FUT9: variants seen among roughly 807,000 people sequenced by gnomAD.
The protein encoded by FUT9 is fucosyltransferase 9.
In FUT9, 15 loss-of-function variants were observed where a neutral mutation model predicts 29.7. The ratio of observed to expected loss-of-function variants is 0.51; its 90% CI spans 0.34 to 0.78. The LOEUF is 0.78. Among genes scored for constraint, FUT9 ranks in the 30% least tolerant of loss-of-function variants. The pLI, the probability that FUT9 is intolerant of heterozygous loss-of-function variation, is 0.01. For missense variants in FUT9, 319 were observed against 425.4 expected, an observed-to-expected ratio of 0.75 and a Z score of 2.20; for synonymous variants, 169 against 153.7, an observed-to-expected ratio of 1.10 and a Z score of -0.74.
rs137921156 is a variant in FUT9, at chr6:96,152,535, T to A, written c.-9+38408T>A. On this transcript the variant is annotated intron_variant, in intron 2 of 2. Transcript: ENST00000302103. ...AACTGCTCAATAAATATTTTTTGAA[T>A]AAATGAATCATTGGAGTGGGGCTTG... Among the ~76,000 whole-genome samples the A allele has an allele frequency of 1.7e-3, 265 of 152,344 alleles. 2 individuals are homozygous for A. Among genetic ancestry groups the A allele is most frequent in the African/African-American group, 6.1e-3 (254 of 41,588 alleles).
intron 1 of FUT9, among the ~76,000 whole-genome samples, chr6:96,080,297 A>G (rs1771213532): frequency 1.3e-5 from 2 of 152,130 alleles, no homozygotes; most frequent in South Asian, 4.1e-4. Flanking sequence ...GTGTAGCTAT[A>G]AATAACTTCT....
At chr6:96,126,727 A>G (rs978444804) in intron 2 of FUT9, among the ~76,000 whole-genome samples, 2 of 152,318 alleles carry the variant, frequency 1.3e-5, no homozygotes, top group Admixed American at 1.3e-4. Flanking sequence ...AATTCATGTT[A>G]TTTACTATTA....
intron 1 of FUT9, among the ~76,000 whole-genome samples, chr6:96,085,444 C>T (rs776673278): frequency 4.6e-5 from 7 of 152,298 alleles, no homozygotes; most frequent in East Asian, 1.9e-4. Context: ...TATTCCCAAG[C>T]GTAGAGCACT....
intron 1 of FUT9, among the ~76,000 whole-genome samples, chr6:96,068,198 C>G (rs1031654504): frequency 2.0e-5 from 3 of 152,010 alleles, no homozygotes; most frequent in Admixed American, 1.3e-4. Flanking sequence ...TGGAAATCAA[C>G]CATGTACAGG....
chr6:96,033,717 T>C (rs979605940), intron 1 of FUT9, among the ~76,000 whole-genome samples: 4 of 151,714 alleles, frequency 2.6e-5, no homozygotes, highest in Non-Finnish European at 4.4e-5. Flanking sequence ...TCTTCTTTCA[T>C]AAATTTGTCT....
chr6:96,046,037 A>G (rs1164355234), intron 1 of FUT9, among the ~76,000 whole-genome samples: 4 of 152,162 alleles, frequency 2.6e-5, no homozygotes, highest in Non-Finnish European at 5.9e-5. Context: ...TGAGCAGCTC[A>G]CATTCTTTCT....
At chr6:96,037,359 T>A (rs1456600928) in intron 1 of FUT9, 1 of 152,076 alleles carries the variant, frequency 6.6e-6, no homozygotes, top group Non-Finnish European at 1.5e-5. Context: ...GCTTTGATTG[T>A]ACTAGACTGT....
chr6:96,059,008 T>C (rs529753261), intron 1 of FUT9, among the ~76,000 whole-genome samples: 15 of 152,322 alleles, frequency 9.8e-5, no homozygotes, highest in African/African-American at 3.4e-4. Context: ...AATGTTACAA[T>C]AGATTTTAGC....
intron 2 of FUT9, among the ~76,000 whole-genome samples, chr6:96,176,004 A>ACT (rs1333599085): frequency 6.6e-6 from 1 of 151,568 alleles, no homozygotes. Context: ...AGAAGAATTC[A>ACT]CTCTCTCTCT....
In FUT9 at chr6:96,203,563, G is replaced by A. The variant is rs1284348590; in HGVS notation, c.408G>A (p.Leu136=). ...TCCAGAAATGGATTTGGATGAATTT[G>A]GAATCACCAACTCACACTCCCCAAA... ...PPFQKWIWMN[L]ESPTHTPQKS... is the part of the protein sequence containing the mutation. Residue 136 remains leucine, a synonymous_variant, in exon 3 of 3, where the codon TTG becomes TTA. Transcript: ENST00000302103. 5.0e-6 allele frequency: 8 copies of A among 1,613,532 alleles called. No homozygotes were observed.
chr6:96,092,960 G>A (rs973353041), intron 1 of FUT9, among the ~76,000 whole-genome samples: 3 of 152,030 alleles, frequency 2.0e-5, no homozygotes, highest in African/African-American at 2.4e-5. Flanking sequence ...TAGAGACAGA[G>A]TCTTGCTATG....
At chr6:96,025,738 C>T (rs1770156305) in intron 1 of FUT9, among the ~76,000 whole-genome samples, 6 of 151,628 alleles carry the variant, frequency 4.0e-5, no homozygotes, top group Admixed American at 3.9e-4. Flanking sequence ...AAAGCCATGA[C>T]TTTGTCAGCA....
intron 1 of FUT9, among the ~76,000 whole-genome samples, chr6:96,016,436 T>G (rs1450540891): frequency 2.6e-5 from 4 of 152,126 alleles, no homozygotes; most frequent in Admixed American, 2.6e-4. Context: ...TGCCTGCAGC[T>G]CGCAGTCCCG....
At chr6:96,110,837 A>ATTTATTTATTTATTTATTTT (rs1562128554) in intron 1 of FUT9, among the ~76,000 whole-genome samples, 1 of 151,378 alleles carries the variant, frequency 6.6e-6, no homozygotes, top group Non-Finnish European at 1.5e-5. Flanking sequence ...TTATTTATTT[A>ATTTATTTATTTATTTATTTT]TTTTTTGTAG....
At chr6:96,145,699 A>C (rs988678997) in intron 2 of FUT9, among the ~76,000 whole-genome samples, 4 of 152,204 alleles carry the variant, frequency 2.6e-5, no homozygotes, top group Non-Finnish European at 5.9e-5. Context: ...GCCTCCAGAC[A>C]GATGTGCAAA....
intron 1 of FUT9, among the ~76,000 whole-genome samples, chr6:96,081,753 T>C (rs1300981904): frequency 1.1e-4 from 16 of 151,902 alleles, no homozygotes; most frequent in Admixed American, 1.0e-3. Flanking sequence ...TGCCAAACTA[T>C]TAAGTGTTTG....
At position 96,208,339 on chromosome 6, in the gene FUT9, A is replaced by C. The variant is rs187497977; in HGVS notation, c.*4104A>C. On this transcript the variant is annotated 3_prime_UTR_variant, in exon 3 of 3. Transcript: ENST00000302103. ...CCTTACCTTATGACTGTGTTTGATC[A>C]TATCTTTGAGTTCCCTTGAACTCTG... The C allele has an allele frequency of 1.0e-3, 175 of 166,710 alleles. 7 individuals are homozygous for C. In the East Asian group the frequency reaches 0.033, roughly 31 times the overall value. 10.3% of individuals were successfully genotyped at this position (166,710 alleles called of 1,614,324 possible).
At chr6:96,165,353 C>A (rs1352609600) in intron 2 of FUT9, among the ~76,000 whole-genome samples, 1 of 151,612 alleles carries the variant, frequency 6.6e-6, no homozygotes, top group African/African-American at 2.4e-5. Context: ...ATTGCTTGAA[C>A]CAGGGAGGTG....
At chr6:96,185,754 T>C (rs541236237) in intron 2 of FUT9, among the ~76,000 whole-genome samples, 1 of 152,262 alleles carries the variant, frequency 6.6e-6, no homozygotes, top group South Asian at 2.1e-4. Flanking sequence ...TCTCTTCTAG[T>C]GGCCTCCATT....
Sources: allele counts gnomAD v4.1 joint callset (sites outside exome capture counted in the v4.1 genomes callset), GRCh38; gene constraint gnomAD v4.1.1; transcripts MANE v1.5; gene names NCBI Gene and HGNC (gene_info 2026-07-23, HGNC 2026-07-21).